The following TIGD1 variants were observed in gnomAD, a reference collection of about 807,000 sequenced individuals.
TIGD1 encodes the protein tigger transposable element derived 1, also known as tigger transposable element-derived protein 1.
Under a neutral mutation model 21.3 loss-of-function variants are expected in TIGD1, and 20 were observed. That is an observed-to-expected ratio of 0.94 (90% CI 0.66 to 1.36). The LOEUF (loss-of-function observed/expected upper bound fraction) is 1.36, where lower values mean the gene tolerates loss of function less well. Among genes scored for constraint, TIGD1 ranks in the 40% most tolerant of loss-of-function variants. The probability of loss-of-function intolerance (pLI) is 0.00; values close to 1 mark genes in which losing one functional copy is unlikely to be tolerated. For missense variants in TIGD1, 556 were observed against 350.5 expected (o/e 1.59, Z -4.68); for synonymous variants, 177 against 123.2 (o/e 1.44, Z -2.89).
Position 232,545,813 on chromosome 2 carries a change from T to A in TIGD1, c.*2294A>T, listed in dbSNP as rs951485221. ...CCTACTGAGGTCCTAAGTGTGCTCT[T>A]TGGGAAGTGCCCTTCAGGACTGTGT... is the stretch of plus-strand genomic sequence containing the variant. On this transcript the variant is annotated 3_prime_UTR_variant, in exon 1 of 1. Transcript: ENST00000408957. The A allele has an allele frequency of 1.5e-6, 2 of 1,378,724 alleles. No homozygotes were observed. Among genetic ancestry groups the A allele is most frequent in the Admixed American group, 3.4e-5 (2 of 58,536 alleles). The allele number at this position is 1,378,724 out of a possible 1,614,324, so 85.4% of individuals were successfully genotyped here. A position where few individuals can be genotyped will look rare whatever the true frequency, so the allele number is the denominator to read the frequency against.
rs549915887 is a variant in TIGD1, at chr2:232,547,725, G to A, written c.*382C>T. ...ATCTGATGACAGTGGGGCCATTTCC[G>A]GTTCCCACCAGCCCCTTACTAGTTG... On this transcript the variant is annotated 3_prime_UTR_variant, in exon 1 of 1. Transcript: ENST00000408957. 9.2e-5 allele frequency among the ~76,000 whole-genome samples: 14 copies of A among 152,312 alleles called. No individual in the cohort carries two copies. The highest frequency in any genetic ancestry group is 8.3e-4 in the South Asian group (4 of 4,824).
Position 232,549,479 on chromosome 2 carries a change from C to A in TIGD1, c.404G>T (p.Trp135Leu). 1 of 678,044 alleles carries A rather than the reference C, an allele frequency of 1.5e-6. No individual in the cohort carries two copies. The highest frequency in any genetic ancestry group is 1.7e-5 in the South Asian group (1 of 60,020). 42.0% of individuals were successfully genotyped at this position (678,044 alleles called of 1,614,324 possible). ...GCTTCTTTCCTTAAACCTCATGAAC[C>A]AACCTCTGCTAGCTTCAAACTTTTC... ...AEEKFEASRG[W>L]FMRFKERSHF... Residue 135 changes from tryptophan to leucine, a missense_variant, in exon 1 of 1, where the codon TGG becomes TTG. Trp to Leu is a moderately conservative substitution (Grantham distance 61). Transcript: ENST00000408957.
In TIGD1 at chr2:232,545,054, T is replaced by C. The variant is rs1454078022; in HGVS notation, c.*3053A>G. ...GGTCACACCTGTAATCCCAGTACTT[T>C]GGGAGGCCGAGGCGAGTGGATCACC... On this transcript the variant is annotated 3_prime_UTR_variant, in exon 1 of 1. Transcript: ENST00000408957. 2.0e-6 allele frequency: 2 copies of C among 1,013,120 alleles called. No homozygotes were observed. The highest frequency in any genetic ancestry group is 3.0e-6 in the Non-Finnish European group (2 of 671,376). 62.8% of individuals were successfully genotyped at this position (1,013,120 alleles called of 1,614,324 possible).
chr2:232,549,175 C>T lies in TIGD1; in HGVS notation c.708G>A (p.Met236Ile), dbSNP rs1326094380. The T allele has an allele frequency of 2.8e-6, 2 of 710,984 alleles. No homozygotes were observed. 44.0% of individuals were successfully genotyped at this position (710,984 alleles called of 1,614,324 possible). A position where few individuals can be genotyped will look rare whatever the true frequency, so the allele number is the denominator to read the frequency against. Residue 236 changes from methionine (M) to isoleucine (I), a missense_variant, in exon 1 of 1, where the codon ATG becomes ATA. By Grantham distance (10) the Met-to-Ile change is conservative (BLOSUM62 1). Coordinates refer to ENST00000408957, the MANE Select transcript of TIGD1 (RefSeq NM_145702.4). ...NAAGDFKLKP[M>I]LIYHSENPRA... is the part of the protein sequence containing the mutation. The stretch of plus-strand genomic sequence containing the variant: ...TAGGATTTTCAGAATGGTAAATAAG[C>T]ATTGGCTTCAACTTAAAGTCACCAG...
rs1465119434 is a variant in TIGD1, at chr2:232,544,704, G to A, written c.*3403C>T. ...GGAGAGAGGAGCTGGGGTCCCTAAGGAGAGGCCATCTTCTCTGCCTGTTTC... is the reference window on the plus strand; with the variant it reads ...GGAGAGAGGAGCTGGGGTCCCTAAGAAGAGGCCATCTTCTCTGCCTGTTTC... On this transcript the variant is annotated 3_prime_UTR_variant, in exon 1 of 1. Transcript: ENST00000408957. 1 of 1,598,346 alleles carries A rather than the reference G, an allele frequency of 6.3e-7. No individual in the cohort carries two copies. The highest frequency in any genetic ancestry group is 1.3e-5 in the African/African-American group (1 of 74,572).
chr2:232,548,279 T>C lies in TIGD1; in HGVS notation c.1604A>G (p.His535Arg). ...NSIACYREIF[H>R]ERKSQLMRKA... ...TCGCATGAGTTGACTCTTCCTTTCA[T>C]GAAAGATTTCTCTGTAGCATGCGAT... is the stretch of plus-strand genomic sequence containing the variant. Residue 535 changes from histidine (H) to arginine (R), a missense_variant, in exon 1 of 1, where the codon CAT (histidine) becomes CGT (arginine). Physicochemically the swap from His to Arg is conservative, Grantham distance 29 (BLOSUM62 0). Transcript: ENST00000408957. 1 of 1,537,284 alleles carries C rather than the reference T, an allele frequency of 6.5e-7. No individual in the cohort carries two copies. The highest frequency in any genetic ancestry group is 8.7e-7 in the Non-Finnish European group (1 of 1,144,624).
Position 232,545,489 on chromosome 2 carries a change from C to T in TIGD1, c.*2618G>A. On this transcript the variant is annotated 3_prime_UTR_variant, in exon 1 of 1. Transcript: ENST00000408957. ...GAAGCCCAAGGATGAGAACAGGACCCAGGGAAGACCTGGTGCCGCCGCTGG... is the reference window on the plus strand; with the variant it reads ...GAAGCCCAAGGATGAGAACAGGACCTAGGGAAGACCTGGTGCCGCCGCTGG... 1 of 1,513,242 alleles carries T rather than the reference C, an allele frequency of 6.6e-7. No individual in the cohort carries two copies. The allele number at this position is 1,513,242 out of a possible 1,614,324, so 93.7% of individuals were successfully genotyped here. A position where few individuals can be genotyped will look rare whatever the true frequency, so the allele number is the denominator to read the frequency against.
chr2:232,549,134 T>A lies in TIGD1; in HGVS notation c.749A>T (p.Tyr250Phe), dbSNP rs563651833. The change falls in exon 1 of 1, where the codon TAT becomes TTT. Residue 250 changes from tyrosine to phenylalanine, a missense_variant. Coordinates refer to ENST00000408957, the MANE Select transcript of TIGD1 (RefSeq NM_145702.4). Reference protein sequence around the residue: ...HSENPRALKNYTKSTLPVLYK... With the variant: ...HSENPRALKNFTKSTLPVLYK... ...TAGCACGGGTAGAGTAGATTTAGTA[T>A]AATTCTTAAGGGCCCTAGGATTTTC... The A allele has an allele frequency of 1.9e-4, 139 of 715,844 alleles. No individual in the cohort carries two copies. The East Asian group carries it at 3.2e-3, about 16-fold the overall frequency. The allele number at this position is 715,844 out of a possible 1,614,324, so 44.3% of individuals were successfully genotyped here.
At position 232,547,481 on chromosome 2, in the gene TIGD1, G is replaced by A. The variant is rs997259173; in HGVS notation, c.*626C>T. ...TGAAAGTGCCACATAAAGGCCTGAC[G>A]ACAGGATATGCTGGCAGGAGGGGAC... On this transcript the variant is annotated 3_prime_UTR_variant, in exon 1 of 1. Transcript: ENST00000408957. Among the ~76,000 whole-genome samples the A allele has an allele frequency of 1.3e-5, 2 of 152,294 alleles. No individual in the cohort carries two copies. The highest frequency in any genetic ancestry group is 6.5e-5 in the Admixed American group (1 of 15,306).
Position 232,548,921 on chromosome 2 carries a change from A to G in TIGD1, c.962T>C (p.Ile321Thr). The change falls in exon 1 of 1, where the codon ATT becomes ACT. Residue 321 changes from isoleucine to threonine, a missense_variant. Ile to Thr is a moderately conservative substitution (Grantham distance 89, BLOSUM62 -1). Transcript: ENST00000408957. ...LMEIYEEINV[I>T]FMPANTTSIL... ...GGATGTTGTGTTAGCAGGCATGAAA[A>G]TAACATTAATCTCCTCGTATATCTC... 1 of 672,568 alleles carries G rather than the reference A, an allele frequency of 1.5e-6. No homozygotes were observed. Among genetic ancestry groups the G allele is most frequent in the East Asian group, 2.9e-5 (1 of 34,894 alleles). The allele number at this position is 672,568 out of a possible 1,614,324, so 41.7% of individuals were successfully genotyped here. A position where few individuals can be genotyped will look rare whatever the true frequency, so the allele number is the denominator to read the frequency against.
rs1389532872 is a variant in TIGD1 at position 232,548,505 on chromosome 2, ACTC to A, written c.1375_1377del (p.Glu459del). On this transcript the variant is annotated inframe_deletion, in exon 1 of 1. Coordinates refer to ENST00000408957, the MANE Select transcript of TIGD1 (RefSeq NM_145702.4). ...TTTCTTTGCGCATCCATAAGAAACA[ACTC>A]CTCATCTGTTAAAGTTTTATCATGA... 3.0e-6 allele frequency: 2 copies of A among 657,934 alleles called. No homozygotes were observed. Among genetic ancestry groups the A allele is most frequent in the Non-Finnish European group, 2.7e-6 (1 of 366,082 alleles). 40.8% of individuals were successfully genotyped at this position (657,934 alleles called of 1,614,324 possible).
Position 232,550,427 on chromosome 2 carries a change from GCCTTTTTTCCGAGC to G in TIGD1, c.-559_-546del. 2.0e-6 allele frequency: 1 copy of G among 505,078 alleles called. No homozygotes were observed. Among genetic ancestry groups the G allele is most frequent in the Admixed American group, 4.1e-5 (1 of 24,170 alleles). 31.3% of individuals were successfully genotyped at this position (505,078 alleles called of 1,614,324 possible). A position where few individuals can be genotyped will look rare whatever the true frequency, so the allele number is the denominator to read the frequency against. ...CCCGCGCCGTCAACGACGCGGTGCT[GCCTTTTTTCCGAGC>G]CGCTGCGGGAGGGGGCCAGGACACG... On this transcript the variant is annotated 5_prime_UTR_variant, in exon 1 of 1. Coordinates refer to ENST00000408957, the MANE Select transcript of TIGD1 (RefSeq NM_145702.4).
Position 232,550,455 on chromosome 2 carries a change from G to A in TIGD1, c.-573C>T. The stretch of plus-strand genomic sequence containing the variant: ...TTTTTTCCGAGCCGCTGCGGGAGGG[G>A]GCCAGGACACGCTCCCTTAGGAGAG... On this transcript the variant is annotated 5_prime_UTR_variant, in exon 1 of 1. Coordinates refer to ENST00000408957, the MANE Select transcript of TIGD1 (RefSeq NM_145702.4). 3.9e-6 allele frequency: 2 copies of A among 516,470 alleles called. 1 individual carries two copies. Among genetic ancestry groups the A allele is most frequent in the South Asian group, 6.2e-5 (2 of 32,342 alleles). The allele number at this position is 516,470 out of a possible 1,614,324, so 32.0% of individuals were successfully genotyped here.
Position 232,548,872 on chromosome 2 carries a change from C to T in TIGD1, c.1011G>A (p.Gly337=), listed in dbSNP as rs887974957. The T allele has an allele frequency of 1.9e-5, 12 of 636,490 alleles. No individual in the cohort carries two copies. In the Admixed American group the frequency reaches 2.6e-4, roughly 14 times the overall value. 39.4% of individuals were successfully genotyped at this position (636,490 alleles called of 1,614,324 possible). A position where few individuals can be genotyped will look rare whatever the true frequency, so the allele number is the denominator to read the frequency against. The change falls in exon 1 of 1, where the codon GGG becomes GGA. Residue 337 remains glycine (G), a synonymous_variant. Coordinates refer to ENST00000408957, the MANE Select transcript of TIGD1 (RefSeq NM_145702.4). The part of the protein sequence containing the change: ...TTSILQPMDQ[G]VISTFKSYYL... ...AATAAGACTTGAAGGTCGAAATTACCCCTTGATCCATGGGCTGCAGAATGG... is the reference window on the plus strand; with the variant it reads ...AATAAGACTTGAAGGTCGAAATTACTCCTTGATCCATGGGCTGCAGAATGG...
rs1229998709 is a variant in TIGD1 at position 232,546,379 on chromosome 2, C to T, written c.*1728G>A. ...TGTTTAGTTTTGAGATAGAGCCTCA[C>T]TCTTGTCATGCAAGTTGGAGTGGAG... On this transcript the variant is annotated 3_prime_UTR_variant, in exon 1 of 1. Coordinates refer to ENST00000408957, the MANE Select transcript of TIGD1 (RefSeq NM_145702.4). 1.3e-5 allele frequency: 2 copies of T among 153,816 alleles called. No individual in the cohort carries two copies. The highest frequency in any genetic ancestry group is 2.8e-5 in the Non-Finnish European group (2 of 70,256). 9.5% of individuals were successfully genotyped at this position (153,816 alleles called of 1,614,324 possible).
In TIGD1 at chr2:232,548,579, A is replaced by C. The variant is rs1318042889; in HGVS notation, c.1304T>G (p.Leu435Arg). The C allele has an allele frequency of 3.3e-6, 2 of 598,422 alleles. No individual in the cohort carries two copies. Among genetic ancestry groups the C allele is most frequent in the African/African-American group, 3.6e-5 (2 of 54,918 alleles). 37.1% of individuals were successfully genotyped at this position (598,422 alleles called of 1,614,324 possible). Residue 435 changes from leucine to arginine, a missense_variant, in exon 1 of 1, where the codon CTA becomes CGA. Physicochemically the swap from Leu to Arg is moderately radical, Grantham distance 102. Coordinates refer to ENST00000408957, the MANE Select transcript of TIGD1 (RefSeq NM_145702.4). ...SADVVEIAKE[L>R]ELEVEPEDVT... ...ATCTTCAGGCTCTACTTCTAATTCTAGTTCTTTTGCTATTTCCACCACATC... is the reference window on the plus strand; with the variant it reads ...ATCTTCAGGCTCTACTTCTAATTCTCGTTCTTTTGCTATTTCCACCACATC...
rs763132076 is a variant in TIGD1, at chr2:232,544,533, A to G, written c.*3574T>C. On this transcript the variant is annotated 3_prime_UTR_variant, in exon 1 of 1. Transcript: ENST00000408957. ...CTGCCTCGCAGTGAACTCCTCTTCC[A>G]GCAGTGGCAGCGGCAAGGGCTGGTG... 1.4e-5 allele frequency: 22 copies of G among 1,613,806 alleles called. No individual in the cohort carries two copies. In the South Asian group the frequency reaches 2.3e-4, roughly 17 times the overall value.
chr2:232,544,815 G>A lies in TIGD1; in HGVS notation c.*3292C>T. The A allele has an allele frequency of 6.2e-7, 1 of 1,613,820 alleles. No individual in the cohort carries two copies. The highest frequency in any genetic ancestry group is 8.5e-7 in the Non-Finnish European group (1 of 1,179,988). ...GGCTGAGCCAGTTCTGTGGCAGCCTGAAGCAGGCTGCCCCAGCCATCCAGG... is the reference window on the plus strand; with the variant it reads ...GGCTGAGCCAGTTCTGTGGCAGCCTAAAGCAGGCTGCCCCAGCCATCCAGG... On this transcript the variant is annotated 3_prime_UTR_variant, in exon 1 of 1. Coordinates refer to ENST00000408957, the MANE Select transcript of TIGD1 (RefSeq NM_145702.4).
rs1214489949 is a variant in TIGD1, at chr2:232,544,668, G to C, written c.*3439C>G. The C allele has an allele frequency of 3.8e-6, 6 of 1,564,526 alleles. No homozygotes were observed. Among genetic ancestry groups the C allele is most frequent in the Non-Finnish European group, 4.4e-6 (5 of 1,137,052 alleles). Reference sequence around the variant, plus strand: ...CACAGCAGATGAGTGCTGGAGAAGTGCCCAGGTCAGGGAGAGAGGAGCTGG... The same window carrying C: ...CACAGCAGATGAGTGCTGGAGAAGTCCCCAGGTCAGGGAGAGAGGAGCTGG... On this transcript the variant is annotated 3_prime_UTR_variant, in exon 1 of 1. Coordinates refer to ENST00000408957, the MANE Select transcript of TIGD1 (RefSeq NM_145702.4).
Sources: gnomAD v4.1 joint callset for allele counts (sites outside exome capture counted in the v4.1 genomes callset) on GRCh38, gnomAD v4.1.1 for gene constraint, MANE v1.5 for transcripts, NCBI Gene and HGNC (gene_info 2026-07-23, HGNC 2026-07-21) for gene names.